ZDHHC5: variants seen among roughly 807,000 people sequenced by gnomAD.
ZDHHC5 encodes palmitoyltransferase ZDHHC5.
In ZDHHC5, 22 loss-of-function variants were observed where a neutral mutation model predicts 70.0. The observed-to-expected ratio is 0.31, with a 90% CI of 0.22 to 0.45. The LOEUF (loss-of-function observed/expected upper bound fraction) is 0.45, where lower values mean the gene tolerates loss of function less well. Ranked by LOEUF, ZDHHC5 falls within the 20% of genes least tolerant of loss-of-function variation. The pLI, the probability that ZDHHC5 is intolerant of heterozygous loss-of-function variation, is 1.00. For synonymous variants in ZDHHC5, 313 were observed against 347.8 expected (o/e 0.90, Z 1.11); for missense variants, 746 against 926.9 (o/e 0.80, Z 2.53).
chr11:57,671,274 A>G (rs1946003012), intron 1 of ZDHHC5, among the ~76,000 whole-genome samples: 1 of 152,212 alleles, frequency 6.6e-6, no homozygotes, highest in African/African-American at 2.4e-5. Context: ...TAAAATCCCA[A>G]GGTGCTGGTG....
intron 3 of ZDHHC5, among the ~76,000 whole-genome samples, chr11:57,687,669 A>G (rs1946223947): frequency 6.6e-6 from 1 of 151,870 alleles, no homozygotes; most frequent in African/African-American, 2.4e-5. Context: ...AATTGAGAGA[A>G]AGGGCATTTA....
intron 2 of ZDHHC5, among the ~76,000 whole-genome samples, chr11:57,680,164 C>T (rs951110587): frequency 6.6e-6 from 1 of 152,118 alleles, no homozygotes; most frequent in African/African-American, 2.4e-5. Flanking sequence ...GCGGGCAAAT[C>T]GCTTTGAGCT....
intron 2 of ZDHHC5, among the ~76,000 whole-genome samples, chr11:57,681,281 C>G (rs1946146982): frequency 6.6e-6 from 1 of 152,140 alleles, no homozygotes; most frequent in African/African-American, 2.4e-5. Flanking sequence ...GTTTAATTCT[C>G]TGGAATCATA....
intron 2 of ZDHHC5, among the ~76,000 whole-genome samples, chr11:57,679,132 C>T (rs1946113560): frequency 6.6e-6 from 1 of 151,908 alleles, no homozygotes; most frequent in African/African-American, 2.4e-5. Flanking sequence ...ATCCATTCTC[C>T]CAATTTTATT....
rs1334933004 is a variant in ZDHHC5, at chr11:57,673,173, C to T, written c.83C>T (p.Thr28Met). The T allele has an allele frequency of 6.2e-7, 1 of 1,613,866 alleles. No homozygotes were observed. The highest frequency in any genetic ancestry group is 1.1e-5 in the South Asian group (1 of 91,070). The change falls in exon 2 of 12, where the codon ACG becomes ATG. Residue 28 changes from threonine (T) to methionine (M), a missense_variant. Coordinates refer to ENST00000287169, the MANE Select transcript of ZDHHC5 (RefSeq NM_015457.3). ...SAAAIFLVGATTLFFAFTCPG... is the reference protein window; with the variant it reads ...SAAAIFLVGAMTLFFAFTCPG... Reference sequence around the variant, plus strand: ...GCCGCCATCTTCCTAGTGGGAGCTACGACACTCTTCTTTGCCTTTACGTGA... The same window carrying T: ...GCCGCCATCTTCCTAGTGGGAGCTATGACACTCTTCTTTGCCTTTACGTGA...
At chr11:57,673,688 A>G (rs970620121) in intron 2 of ZDHHC5, among the ~76,000 whole-genome samples, 1 of 152,166 alleles carries the variant, frequency 6.6e-6, no homozygotes, top group Non-Finnish European at 1.5e-5. Context: ...CTCCTGCCTC[A>G]GGCTCCTTAG....
At chr11:57,694,013 T>G (rs1347646895) in intron 8 of ZDHHC5, 98 bp downstream of exon 8, 9 of 1,437,194 alleles carry the variant, frequency 6.3e-6, no homozygotes, top group Non-Finnish European at 6.4e-6. Context: ...TTTTTTTTTT[T>G]TTTTTGAGAC....
At position 57,692,674 on chromosome 11, in the gene ZDHHC5, C is replaced by T; in HGVS notation, c.724C>T (p.Arg242Cys). 1.2e-6 allele frequency: 2 copies of T among 1,614,102 alleles called. No homozygotes were observed. The highest frequency in any genetic ancestry group is 1.7e-6 in the Non-Finnish European group (2 of 1,180,030). ...CAATGGCTGCTGTAACAATGTCAGCCGTGTTCTCTGCAGTTCTCCAGCACC... is the reference window on the plus strand; with the variant it reads ...CAATGGCTGCTGTAACAATGTCAGCTGTGTTCTCTGCAGTTCTCCAGCACC... Reference protein sequence around the residue: ...FTNGCCNNVSRVLCSSPAPRY... With the variant: ...FTNGCCNNVSCVLCSSPAPRY... Residue 242 changes from arginine to cysteine, a missense_variant, in exon 7 of 12, where the codon CGT becomes TGT. Physicochemically the swap from Arg to Cys is radical, Grantham distance 180. Transcript: ENST00000287169.
chr11:57,688,955 C>T (rs1303345854), intron 4 of ZDHHC5, among the ~76,000 whole-genome samples: 1 of 152,146 alleles, frequency 6.6e-6, no homozygotes, highest in Non-Finnish European at 1.5e-5. Flanking sequence ...TCTCAAATTC[C>T]TGGCTTCAAG....
At chr11:57,698,220 C>T (rs1308120140) in intron 10 of ZDHHC5, among the ~76,000 whole-genome samples, 1 of 152,014 alleles carries the variant, frequency 6.6e-6, no homozygotes, top group Non-Finnish European at 1.5e-5. Flanking sequence ...GGACATTTCA[C>T]TAATTGTTGG....
chr11:57,678,488 G>A (rs1946102885), intron 2 of ZDHHC5, among the ~76,000 whole-genome samples: 1 of 150,282 alleles, frequency 6.7e-6, no homozygotes, highest in Non-Finnish European at 1.5e-5. Flanking sequence ...GGAAAATGGT[G>A]TGAACCCGGG....
At position 57,699,968 on chromosome 11, in the gene ZDHHC5, C is replaced by T. The variant is rs780757864; in HGVS notation, c.2085C>T (p.Pro695=). The stretch of plus-strand genomic sequence containing the variant: ...CAGGCCAGCCACCTCTCAGTAGCCC[C>T]ACGAGGGGAGGAGTCAAGAAGGTGT... ...PGPGQPPLSS[P]TRGGVKKVSG... The change falls in exon 12 of 12, where the codon CCC becomes CCT. Residue 695 remains proline (P), a synonymous_variant. Coordinates refer to ENST00000287169, the MANE Select transcript of ZDHHC5 (RefSeq NM_015457.3). The T allele has an allele frequency of 2.5e-6, 4 of 1,613,622 alleles. No individual in the cohort carries two copies. In the Admixed American group the frequency reaches 6.7e-5, roughly 27 times the overall value.
chr11:57,682,416 G>T lies in ZDHHC5; in HGVS notation c.105-6G>T, dbSNP rs1946160246. On this transcript the variant is annotated splice_polypyrimidine_tract_variant and splice_region_variant and intron_variant, in intron 2 of 11. Transcript: ENST00000287169. The stretch of plus-strand genomic sequence containing the variant: ...CAACCCCTCATTTTCTTTATTGTCT[G>T]TGCAGGTGTCCAGGACTAAGCCTGT... The T allele has an allele frequency of 6.2e-7, 1 of 1,608,178 alleles. No homozygotes were observed. Among genetic ancestry groups the T allele is most frequent in the Non-Finnish European group, 8.5e-7 (1 of 1,177,302 alleles).
rs534233979 is a variant in ZDHHC5, at chr11:57,700,574, C to T, written c.*543C>T. 2 of 152,574 alleles carry T rather than the reference C, an allele frequency of 1.3e-5. No individual in the cohort carries two copies. The highest frequency in any genetic ancestry group is 4.1e-4 in the South Asian group (2 of 4,820). The allele number at this position is 152,574 out of a possible 1,614,324, so 9.5% of individuals were successfully genotyped here. A position where few individuals can be genotyped will look rare whatever the true frequency, so the allele number is the denominator to read the frequency against. ...ACGTCAGTCTTTTTCCTGTGGTTCC[C>T]TCTCATTTGTCCCAGTTACTAACTA... On this transcript the variant is annotated 3_prime_UTR_variant, in exon 12 of 12. Transcript: ENST00000287169.
rs1351360558 is a variant in ZDHHC5 at position 57,672,974 on chromosome 11, C to T, written c.-117C>T. 18 of 884,512 alleles carry T rather than the reference C, an allele frequency of 2.0e-5. No homozygotes were observed. The highest frequency in any genetic ancestry group is 3.2e-5 in the Non-Finnish European group (18 of 567,404). The allele number at this position is 884,512 out of a possible 1,614,324, so 54.8% of individuals were successfully genotyped here. A position where few individuals can be genotyped will look rare whatever the true frequency, so the allele number is the denominator to read the frequency against. On this transcript the variant is annotated 5_prime_UTR_variant, in exon 2 of 12. Transcript: ENST00000287169. ...GGAAGGGTGATAAAGTTTTCTGTTT[C>T]CCTGGTTTTCTTTTGTACTCCTCTC...
At chr11:57,669,106 A>T (rs557023921) in intron 1 of ZDHHC5, among the ~76,000 whole-genome samples, 1 of 152,344 alleles carries the variant, frequency 6.6e-6, no homozygotes, top group East Asian at 1.9e-4. Context: ...CACCCATTGT[A>T]TAAACTTAAT....
intron 3 of ZDHHC5, among the ~76,000 whole-genome samples, chr11:57,684,441 C>T (rs569345987): frequency 1.1e-4 from 17 of 152,072 alleles, no homozygotes; most frequent in African/African-American, 2.4e-4. Flanking sequence ...AAAAATTAGC[C>T]GGGTGTGGTG....
chr11:57,681,646 T>C (rs1946151456), intron 2 of ZDHHC5: 1 of 152,194 alleles, frequency 6.6e-6, no homozygotes, highest in African/African-American at 2.4e-5. Context: ...GTTTTTTTGA[T>C]CAAGAAAAGT....
Position 57,699,945 on chromosome 11 carries a change from G to A in ZDHHC5, c.2062G>A (p.Gly688Ser). 6.2e-7 allele frequency: 1 copy of A among 1,614,212 alleles called. No individual in the cohort carries two copies. The highest frequency in any genetic ancestry group is 8.5e-7 in the Non-Finnish European group (1 of 1,180,038). ...KSLGSASPGP[G>S]QPPLSSPTRG... ...CTTAGGCTCAGCCTCCCCTGGCCCA[G>A]GCCAGCCACCTCTCAGTAGCCCCAC... Residue 688 changes from glycine (G) to serine (S), a missense_variant, in exon 12 of 12, where the codon GGC becomes AGC. By Grantham distance (56) the Gly-to-Ser change is moderately conservative. Coordinates refer to ENST00000287169, the MANE Select transcript of ZDHHC5 (RefSeq NM_015457.3).
Sources: gnomAD v4.1 joint callset for allele counts (sites outside exome capture counted in the v4.1 genomes callset) on GRCh38, gnomAD v4.1.1 for gene constraint, MANE v1.5 for transcripts, NCBI Gene and HGNC (gene_info 2026-07-23, HGNC 2026-07-21) for gene names.